Variants in RBFOX1 observed in about 807,000 individuals in gnomAD.
RBFOX1 encodes the protein RNA binding protein fox-1 homolog 1.
RBFOX1 carries 8 observed loss-of-function variants against 57.7 expected under a neutral mutation model. That is an observed-to-expected ratio of 0.14 (90% CI 0.08 to 0.25). RBFOX1 has a LOEUF of 0.25. Ranked by LOEUF, RBFOX1 falls within the 10% of genes least tolerant of loss-of-function variation. The pLI, the probability that RBFOX1 is intolerant of heterozygous loss-of-function variation, is 1.00. For synonymous variants in RBFOX1, 326 were observed against 222.4 expected, an observed-to-expected ratio of 1.47 and a Z score of -4.15; for missense variants, 611 against 548.5, an observed-to-expected ratio of 1.11 and a Z score of -1.14.
intron 11 of RBFOX1, among the ~76,000 whole-genome samples, chr16:7,635,534 G>C (rs1232962656): frequency 6.6e-6 from 1 of 152,008 alleles, no homozygotes; most frequent in Non-Finnish European, 1.5e-5. Context: ...TTTTCTCCGT[G>C]GTTATTCAGG....
chr16:5,302,374 A>T (rs1161006801), intron 1 of RBFOX1, among the ~76,000 whole-genome samples: 1 of 152,202 alleles, frequency 6.6e-6, no homozygotes, highest in Non-Finnish European at 1.5e-5. Context: ...TCTCTTAATG[A>T]ATGGTCCACA....
chr16:6,373,745 G>C (rs1402951120), intron 2 of RBFOX1, among the ~76,000 whole-genome samples: 1 of 152,142 alleles, frequency 6.6e-6, no homozygotes, highest in Admixed American at 6.6e-5. Context: ...TTAAGTGGAA[G>C]AATTGTGACG....
chr16:6,431,822 G>C (rs1322963757), intron 2 of RBFOX1, among the ~76,000 whole-genome samples: 9 of 151,988 alleles, frequency 5.9e-5, no homozygotes, highest in Non-Finnish European at 1.0e-4. Context: ...GGCTAACACT[G>C]GTCATTTACA....
chr16:7,333,682 G>C (rs1206169627), intron 4 of RBFOX1, among the ~76,000 whole-genome samples: 1 of 152,184 alleles, frequency 6.6e-6, no homozygotes, highest in African/African-American at 2.4e-5. Context: ...CAAGAAAGTG[G>C]AGGGTTGATA....
At chr16:6,581,233 T>C (rs755424036) in intron 2 of RBFOX1, among the ~76,000 whole-genome samples, 1 of 152,128 alleles carries the variant, frequency 6.6e-6, no homozygotes, top group Non-Finnish European at 1.5e-5. Flanking sequence ...AGCTTTCCCT[T>C]TGGTGATTTG....
intron 4 of RBFOX1, among the ~76,000 whole-genome samples, chr16:5,963,611 A>C (rs767309232): frequency 6.6e-6 from 1 of 152,236 alleles, no homozygotes; most frequent in African/African-American, 2.4e-5. Flanking sequence ...CCATACATCT[A>C]TAATCAACTG....
chr16:6,111,565 C>G (rs753301098), intron 1 of RBFOX1, among the ~76,000 whole-genome samples: 1 of 152,240 alleles, frequency 6.6e-6, no homozygotes, highest in African/African-American at 2.4e-5. Context: ...AGTTACAGAG[C>G]AAAGCCCCAG....
rs138017130 is a variant in RBFOX1, at chr16:6,097,980, G to C, written c.-127+77988G>C. On this transcript the variant is annotated intron_variant, in intron 1 of 15. Transcript: ENST00000550418. The surrounding 1 kb of genome is among the most constrained non-coding windows in gnomAD (Gnocchi z 5.0). Reference sequence around the variant, plus strand: ...CAGGGCCCCTGCTTGGTCTAGGATGGAGCCTGCAATTTTGCATTTGTGACA... The same window carrying C: ...CAGGGCCCCTGCTTGGTCTAGGATGCAGCCTGCAATTTTGCATTTGTGACA... Among the ~76,000 whole-genome samples, 1 of 152,252 alleles carries C rather than the reference G, an allele frequency of 6.6e-6. No individual in the cohort carries two copies. The highest frequency in any genetic ancestry group is 1.5e-5 in the Non-Finnish European group (1 of 68,016).
At chr16:6,505,106 G>C (rs1254391390) in intron 2 of RBFOX1, among the ~76,000 whole-genome samples, 1 of 152,000 alleles carries the variant, frequency 6.6e-6, no homozygotes, top group East Asian at 1.9e-4. Context: ...GAAAAATAAA[G>C]TCTACTCAAA....
chr16:5,408,928 G>A (rs985669797), intron 1 of RBFOX1, among the ~76,000 whole-genome samples: 11 of 152,186 alleles, frequency 7.2e-5, no homozygotes, highest in Admixed American at 4.6e-4. Context: ...CCCGTGATCC[G>A]TTCACCTCCC....
intron 2 of RBFOX1, among the ~76,000 whole-genome samples, chr16:6,439,451 T>C (rs557630140): frequency 1.4e-4 from 21 of 152,294 alleles, no homozygotes; most frequent in African/African-American, 4.6e-4. Flanking sequence ...GTGAAATGCC[T>C]GGGCAAGTGA....
chr16:6,437,578 T>C (rs2094271867), intron 2 of RBFOX1, among the ~76,000 whole-genome samples: 1 of 152,170 alleles, frequency 6.6e-6, no homozygotes. Context: ...ATTAGTCCAT[T>C]GCTACACTGC....
intron 1 of RBFOX1, chr16:6,038,526 G>A (rs573529877): frequency 4.3e-4 from 44 of 102,898 alleles, no homozygotes; most frequent in Non-Finnish European, 5.9e-4. Flanking sequence ...ATATATATCC[G>A]TGGAGATATA....
At chr16:6,451,934 C>A (rs1379466039) in intron 2 of RBFOX1, among the ~76,000 whole-genome samples, 1 of 150,654 alleles carries the variant, frequency 6.6e-6, no homozygotes, top group Non-Finnish European at 1.5e-5. Flanking sequence ...CCTTCCATGA[C>A]CCCTCCCTCC....
At chr16:6,967,747 G>C (rs1041396466) in intron 3 of RBFOX1, among the ~76,000 whole-genome samples, 1 of 152,094 alleles carries the variant, frequency 6.6e-6, no homozygotes, top group Non-Finnish European at 1.5e-5. Flanking sequence ...GTGCCCATCT[G>C]CCCGTGCAGC....
intron 3 of RBFOX1, among the ~76,000 whole-genome samples, chr16:6,815,068 G>A (rs1010600597): frequency 1.3e-5 from 2 of 152,108 alleles, no homozygotes; most frequent in South Asian, 2.1e-4. Context: ...CCCGGAAAGC[G>A]GTAGGCAATG....
At chr16:7,514,622 G>A (rs943821865) in intron 4 of RBFOX1, among the ~76,000 whole-genome samples, 17 of 151,984 alleles carry the variant, frequency 1.1e-4, no homozygotes, top group African/African-American at 4.1e-4. Flanking sequence ...CTCTTGATGC[G>A]GACTGAAGGA....
intron 3 of RBFOX1, among the ~76,000 whole-genome samples, chr16:6,803,745 G>C (rs118186459): frequency 6.6e-6 from 1 of 152,102 alleles, no homozygotes; most frequent in Non-Finnish European, 1.5e-5. Context: ...GAGTAATTCT[G>C]AGAATCTATT....
At chr16:7,363,281 C>G (rs748543318) in intron 4 of RBFOX1, among the ~76,000 whole-genome samples, 5 of 152,130 alleles carry the variant, frequency 3.3e-5, no homozygotes, top group East Asian at 1.9e-4. Flanking sequence ...ATAAACCTGT[C>G]AAGCTGTTGA....
Sources: allele counts gnomAD v4.1 joint callset (sites outside exome capture counted in the v4.1 genomes callset), GRCh38; gene constraint gnomAD v4.1.1; non-coding constraint Gnocchi (gnomAD v3.1); transcripts MANE v1.5; gene names NCBI Gene and HGNC (gene_info 2026-07-23, HGNC 2026-07-21).